Variants in EEF1G observed in about 807,000 individuals in gnomAD.
EEF1G encodes elongation factor 1-gamma.
A neutral mutation model predicts 58.3 loss-of-function variants in EEF1G; 14 were observed. The ratio of observed to expected loss-of-function variants is 0.24; its 90% CI spans 0.16 to 0.38. EEF1G has a LOEUF of 0.38. Ranked by LOEUF, EEF1G falls within the 10% of genes least tolerant of loss-of-function variation. The pLI is 1.00. For synonymous variants in EEF1G, 180 were observed against 206.8 expected, an observed-to-expected ratio of 0.87 and a Z score of 1.11; for missense variants, 322 against 550.1, an observed-to-expected ratio of 0.59 and a Z score of 4.15.
chr11:62,562,049 G>C (rs1941502499), intron 7 of EEF1G, among the ~76,000 whole-genome samples: 1 of 152,210 alleles, frequency 6.6e-6, no homozygotes, highest in Admixed American at 6.5e-5. Context: ...ATAAAGCCTT[G>C]AGTTGTGTCC....
chr11:62,572,489 G>T, intron 2 of EEF1G, 95 bp downstream of exon 2: 1 of 1,467,208 alleles, frequency 6.8e-7, no homozygotes, highest in Non-Finnish European at 9.3e-7. Flanking sequence ...AACATGGGAA[G>T]CTCCCTTTTA....
At chr11:62,567,997 A>G (rs1383001400) in intron 5 of EEF1G, among the ~76,000 whole-genome samples, 1 of 150,736 alleles carries the variant, frequency 6.6e-6, no homozygotes, top group Non-Finnish European at 1.5e-5. Context: ...GGGATCTCCG[A>G]GGCGGGCGGA....
rs200194191 is a variant in EEF1G, at chr11:62,572,673, G to T, written c.82C>A (p.Gln28Lys). The T allele has an allele frequency of 4.6e-5, 74 of 1,613,264 alleles. No homozygotes were observed. The African/African-American group carries it at 9.5e-4, about 21-fold the overall frequency. Residue 28 changes from glutamine (Q) to lysine (K), a missense_variant, in exon 2 of 10, where the codon CAG (glutamine) becomes AAG (lysine). This residue lies in a region of EEF1G where 62 missense variants were observed against 87.0 expected (regional missense o/e 0.71). Coordinates refer to ENST00000329251, the MANE Select transcript of EEF1G (RefSeq NM_001404.5). ...ALIAAQYSGA[Q>K]VRVLSAPPHF... Reference sequence around the variant, plus strand: ...GGTGGTGCGGAGAGCACGCGGACCTGAGCCCCGCTGTACTGAGCAGCGATG... The same window carrying T: ...GGTGGTGCGGAGAGCACGCGGACCTTAGCCCCGCTGTACTGAGCAGCGATG...
At position 62,571,568 on chromosome 11, in the gene EEF1G, G is replaced by A. The variant is rs1010573000; in HGVS notation, c.350C>T (p.Thr117Ile). Reference protein sequence around the residue: ...VPPASTWVFPTLGIMHHNKQA... With the variant: ...VPPASTWVFPILGIMHHNKQA... Reference sequence around the variant, plus strand: ...TTTGTTGTGGTGCATGATGCCCAAGGTGGGGAACACCCAGGTACTGGCTGG... The same window carrying A: ...TTTGTTGTGGTGCATGATGCCCAAGATGGGGAACACCCAGGTACTGGCTGG... The change falls in exon 4 of 10, where the codon ACC becomes ATC. Residue 117 changes from threonine (T) to isoleucine (I), a missense_variant. Physicochemically the swap from Thr to Ile is moderately conservative, Grantham distance 89. Transcript: ENST00000329251. The A allele has an allele frequency of 1.3e-6, 2 of 1,595,714 alleles. No individual in the cohort carries two copies. Among genetic ancestry groups the A allele is most frequent in the African/African-American group, 2.7e-5 (2 of 74,684 alleles).
intron 7 of EEF1G, among the ~76,000 whole-genome samples, chr11:62,565,095 A>C (rs952976187): frequency 2.0e-5 from 3 of 151,780 alleles, no homozygotes; most frequent in Non-Finnish European, 2.9e-5. Context: ...CCAAAAAAAA[A>C]CAAAAAACAC....
chr11:62,566,252 C>A (rs1941554132), intron 7 of EEF1G, among the ~76,000 whole-genome samples: 4 of 152,186 alleles, frequency 2.6e-5, no homozygotes, highest in Admixed American at 2.6e-4. Flanking sequence ...CACCTACTTT[C>A]TTCTACTTGG....
At chr11:62,563,854 A>G (rs1941526691) in intron 7 of EEF1G, among the ~76,000 whole-genome samples, 2 of 152,198 alleles carry the variant, frequency 1.3e-5, no homozygotes, top group Non-Finnish European at 2.9e-5. Flanking sequence ...TTCCTTTCCA[A>G]ATGCATAAGA....
rs759055466 is a variant in EEF1G at position 62,560,141 on chromosome 11, G to A, written c.1083C>T (p.Ile361=). Residue 361 remains isoleucine, a synonymous_variant, in exon 9 of 10, where the codon ATC becomes ATT. Coordinates refer to ENST00000329251, the MANE Select transcript of EEF1G (RefSeq NM_001404.5). ...AGCTGCTATTGTTGGTTCCAAAAAGGATGACACTGGCGAAGGCATTCTTCC... is the reference window on the plus strand; with the variant it reads ...AGCTGCTATTGTTGGTTCCAAAAAGAATGACACTGGCGAAGGCATTCTTCC... The part of the protein sequence containing the change: ...KLRKNAFASV[I]LFGTNNSSSI... 20 of 1,613,944 alleles carry A rather than the reference G, an allele frequency of 1.2e-5. No individual in the cohort carries two copies. The highest frequency in any genetic ancestry group is 1.6e-5 in the Non-Finnish European group (19 of 1,179,910).
intron 1 of EEF1G, chr11:62,573,191 GA>G (rs1277448801): frequency 6.4e-6 from 1 of 157,358 alleles, no homozygotes; most frequent in East Asian, 1.9e-4. Context: ...CACGCACGAC[GA>G]TCGAGAGATT....
At chr11:62,567,817 G>A (rs1941574832) in intron 5 of EEF1G, among the ~76,000 whole-genome samples, 1 of 151,308 alleles carries the variant, frequency 6.6e-6, no homozygotes. Context: ...TGATTCTCGT[G>A]CCTCAGCCTC....
At chr11:62,564,783 G>A (rs1319970698) in intron 7 of EEF1G, among the ~76,000 whole-genome samples, 7 of 51,572 alleles carry the variant, frequency 1.4e-4, no homozygotes, top group African/African-American at 2.9e-4. Flanking sequence ...AAAAAAAAAA[G>A]GGGGCCAGGC....
chr11:62,559,787 C>A lies in EEF1G; in HGVS notation c.1206G>T (p.Leu402=), dbSNP rs765729220. ...VDYESYTWRK[L]DPGSEETQTL... is the part of the protein sequence containing the mutation. ...TCTGGGTCTCCTCGCTGCCAGGATC[C>A]AGTTTCCGCCATGTGTATGACTCGT... The change falls in exon 10 of 10, where the codon CTG becomes CTT. Residue 402 remains leucine (L), a synonymous_variant. Coordinates refer to ENST00000329251, the MANE Select transcript of EEF1G (RefSeq NM_001404.5). The A allele has an allele frequency of 1.2e-6, 2 of 1,614,008 alleles. No individual in the cohort carries two copies. The highest frequency in any genetic ancestry group is 1.1e-5 in the South Asian group (1 of 91,086).
chr11:62,566,762 A>T, intron 7 of EEF1G, 44 bp downstream of exon 7: 3 of 1,586,138 alleles, frequency 1.9e-6, no homozygotes, highest in Non-Finnish European at 2.6e-6. Context: ...AGGTGAGAAC[A>T]GGCCTTCTTT....
At chr11:62,567,792 T>C (rs1941574610) in intron 5 of EEF1G, among the ~76,000 whole-genome samples, 1 of 151,094 alleles carries the variant, frequency 6.6e-6, no homozygotes, top group Non-Finnish European at 1.5e-5. Context: ...GCAGCCTCCA[T>C]CTCCTGGGTT....
At position 62,567,472 on chromosome 11, in the gene EEF1G, G is replaced by T; in HGVS notation, c.579C>A (p.Thr193=). ...AFPNTNRWFL[T]CINQPQFRAV... ...CCCGGAACTGGGGCTGGTTAATGCA[G>T]GTGAGGAACCAGCGGTTGGTATTGG... Residue 193 remains threonine, a synonymous_variant, in exon 6 of 10, where the codon ACC becomes ACA. Transcript: ENST00000329251. 1 of 1,612,428 alleles carries T rather than the reference G, an allele frequency of 6.2e-7. No individual in the cohort carries two copies.
intron 6 of EEF1G, 136 bp downstream of exon 6, chr11:62,567,263 A>AT: frequency 8.2e-7 from 1 of 1,220,750 alleles, no homozygotes; most frequent in Non-Finnish European, 1.1e-6. Flanking sequence ...ACTGCACATA[A>AT]TATTAGCTAC....
chr11:62,561,996 C>A (rs1941502073), intron 7 of EEF1G, among the ~76,000 whole-genome samples: 1 of 152,328 alleles, frequency 6.6e-6, no homozygotes, highest in Admixed American at 6.5e-5. Context: ...CTGGCACAAA[C>A]AATGTATGAA....
At chr11:62,565,014 A>G (rs980956943) in intron 7 of EEF1G, among the ~76,000 whole-genome samples, 5 of 151,970 alleles carry the variant, frequency 3.3e-5, no homozygotes, top group Admixed American at 2.0e-4. Context: ...CGGAGGTTGC[A>G]GTGAGCTGAG....
At chr11:62,568,378 ACT>A (rs1251503913) in intron 5 of EEF1G, among the ~76,000 whole-genome samples, 11 of 105,380 alleles carry the variant, frequency 1.0e-4, no homozygotes, top group Non-Finnish European at 2.1e-4. Context: ...ACAGAGTGAG[ACT>A]CTGTCTCAAA....
Sources: gnomAD v4.1 joint callset for allele counts (sites outside exome capture counted in the v4.1 genomes callset) on GRCh38, gnomAD v4.1.1 for gene constraint, gnomAD v4.1.1 regional missense constraint, MANE v1.5 for transcripts, NCBI Gene and HGNC (gene_info 2026-07-23, HGNC 2026-07-21) for gene names.